TEX9: variants seen among roughly 807,000 people sequenced by gnomAD.
The protein encoded by TEX9 is testis expressed 9, also known as testis-expressed protein 9.
A neutral mutation model predicts 59.6 loss-of-function variants in TEX9; 74 were observed. The ratio of observed to expected loss-of-function variants is 1.24; its 90% CI spans 1.03 to 1.51. TEX9 has a LOEUF of 1.51. Among genes scored for constraint, TEX9 ranks in the 40% most tolerant of loss-of-function variants. The pLI is 0.00. For synonymous variants in TEX9, 186 were observed against 152.2 expected (o/e 1.22, Z -1.64); for missense variants, 522 against 447.8 (o/e 1.17, Z -1.49).
chr15:56,365,353 G>T (rs571342241), upstream of TEX9: 210 of 1,473,944 alleles, frequency 1.4e-4, no homozygotes, highest in African/African-American at 2.7e-3. Context: ...ACCTGAGAGT[G>T]GGAAGGCGTA....
chr15:56,349,808 C>CGT (rs560236339), intron 1 of TEX9, among the ~76,000 whole-genome samples: 1 of 150,870 alleles, frequency 6.6e-6, no homozygotes, highest in Non-Finnish European at 1.5e-5. Context: ...TATGTGTGTG[C>CGT]GTGTGTGTGT....
intron 1 of TEX9, among the ~76,000 whole-genome samples, chr15:56,351,556 GCTT>G (rs1362274162): frequency 6.6e-6 from 1 of 152,180 alleles, no homozygotes; most frequent in Non-Finnish European, 1.5e-5. Flanking sequence ...ATTGTGTAAG[GCTT>G]CTTTGAATGG....
intron 1 of TEX9, among the ~76,000 whole-genome samples, chr15:56,336,740 C>T (rs745719200): frequency 2.6e-5 from 4 of 152,140 alleles, no homozygotes; most frequent in Non-Finnish European, 4.4e-5. Flanking sequence ...GGTGATACTA[C>T]AAGGAGCTGG....
chr15:56,418,315 G>A (rs1283721661), intron 10 of TEX9, among the ~76,000 whole-genome samples: 1 of 151,822 alleles, frequency 6.6e-6, no homozygotes, highest in Non-Finnish European at 1.5e-5. Context: ...TTAGCTGGTA[G>A]TGGTCTTTGC....
At chr15:56,293,047 CT>C (rs1383526451) in intron 1 of TEX9, among the ~76,000 whole-genome samples, 1 of 152,162 alleles carries the variant, frequency 6.6e-6, no homozygotes, top group Non-Finnish European at 1.5e-5. Context: ...AAGACATTTC[CT>C]TCTTGGCCAG....
chr15:56,379,444 C>T (rs1267697818), intron 3 of TEX9, among the ~76,000 whole-genome samples: 1 of 152,138 alleles, frequency 6.6e-6, no homozygotes, highest in Non-Finnish European at 1.5e-5. Context: ...AAATATTTTA[C>T]AACTTGTTTT....
rs766952981 is a variant in TEX9 at position 56,427,710 on chromosome 15, A to AAATT, written c.1074_1077dup (p.Asp360AsnfsTer2). The AAATT allele has an allele frequency of 6.7e-7, 1 of 1,499,390 alleles. No individual in the cohort carries two copies. The highest frequency in any genetic ancestry group is 2.4e-5 in the Admixed American group (1 of 41,894). The allele number at this position is 1,499,390 out of a possible 1,614,324, so 92.9% of individuals were successfully genotyped here. A position where few individuals can be genotyped will look rare whatever the true frequency, so the allele number is the denominator to read the frequency against. On this transcript the variant is annotated frameshift_variant, in exon 11 of 13. Coordinates refer to ENST00000352903, the Ensembl canonical transcript of TEX9. LOFTEE classifies it high-confidence loss of function. The stretch of plus-strand genomic sequence containing the variant: ...AATGATAGGGTTCAAGAAACAGTTA[A>AAATT]AATTAATTGATGTTTTAAAAAGGCA...
chr15:56,263,685 T>A (rs1386616594), intron 1 of TEX9, among the ~76,000 whole-genome samples: 1 of 152,184 alleles, frequency 6.6e-6, no homozygotes, highest in African/African-American at 2.4e-5. Context: ...CCCCCAAATT[T>A]GTTTGTGCCC....
At chr15:56,335,216 A>G (rs1308244952) in intron 1 of TEX9, among the ~76,000 whole-genome samples, 1 of 152,214 alleles carries the variant, frequency 6.6e-6, no homozygotes, top group Non-Finnish European at 1.5e-5. Context: ...TTATTGCAGC[A>G]CTGTTTACAA....
chr15:56,444,669 C>T (rs146561870), intron 12 of TEX9: 7 of 1,609,362 alleles, frequency 4.3e-6, no homozygotes, highest in African/African-American at 2.7e-5. Flanking sequence ...TTCAGCATCA[C>T]GTTTCTGTTA....
At chr15:56,253,793 G>A (rs771705602) in intron 1 of TEX9, among the ~76,000 whole-genome samples, 1 of 151,822 alleles carries the variant, frequency 6.6e-6, no homozygotes, top group Non-Finnish European at 1.5e-5. Context: ...AAAAATTACA[G>A]CTCTTCACAA....
At chr15:56,334,607 G>A (rs12441149) in intron 1 of TEX9, among the ~76,000 whole-genome samples, 6,685 of 152,130 alleles carry the variant, frequency 0.044, 223 homozygotes, top group Admixed American at 0.086. Context: ...AATTTCTTGA[G>A]TAATACCCCA....
intron 12 of TEX9, chr15:56,443,662 C>T: frequency 1.2e-6 from 2 of 1,612,988 alleles, no homozygotes; most frequent in South Asian, 1.1e-5. Context: ...GTAGCCTTTT[C>T]TCCTCATTTT....
chr15:56,280,745 C>T (rs1224214973), intron 1 of TEX9, among the ~76,000 whole-genome samples: 1 of 152,194 alleles, frequency 6.6e-6, no homozygotes, highest in Non-Finnish European at 1.5e-5. Flanking sequence ...GGGAATGATT[C>T]CCACATCTGT....
intron 3 of TEX9, among the ~76,000 whole-genome samples, chr15:56,383,622 T>C (rs2047833307): frequency 6.6e-6 from 1 of 152,220 alleles, no homozygotes; most frequent in Admixed American, 6.5e-5. Flanking sequence ...TTTTTAAATT[T>C]CTTGTGCCTC....
intron 1 of TEX9, among the ~76,000 whole-genome samples, chr15:56,359,387 C>A (rs1210913449): frequency 6.6e-6 from 1 of 152,126 alleles, no homozygotes; most frequent in African/African-American, 2.4e-5. Context: ...TCCCTAGTCC[C>A]TGGTAAACTC....
chr15:56,320,409 C>G (rs1437389896), intron 1 of TEX9, among the ~76,000 whole-genome samples: 3 of 152,186 alleles, frequency 2.0e-5, no homozygotes, highest in Non-Finnish European at 4.4e-5. Context: ...GGTAAGGGCT[C>G]TCTTCCTGGC....
intron 1 of TEX9, among the ~76,000 whole-genome samples, chr15:56,355,895 T>A (rs1388646884): frequency 6.6e-6 from 1 of 152,076 alleles, no homozygotes; most frequent in East Asian, 1.9e-4. Context: ...TATGAATAAT[T>A]GGAAATCAAA....
At chr15:56,431,958 A>G (rs561386762) in intron 12 of TEX9, among the ~76,000 whole-genome samples, 3 of 152,232 alleles carry the variant, frequency 2.0e-5, no homozygotes, top group South Asian at 2.1e-4. Flanking sequence ...ATTTCTTAGG[A>G]AAGTGCTCAC....
Sources: gnomAD v4.1 joint callset for allele counts (sites outside exome capture counted in the v4.1 genomes callset) on GRCh38, gnomAD v4.1.1 for gene constraint, MANE v1.5 for transcripts, NCBI Gene and HGNC (gene_info 2026-07-23, HGNC 2026-07-21) for gene names.